The following CDHR3 variants were observed in gnomAD, a reference collection of about 807,000 sequenced individuals.
CDHR3 encodes the protein cadherin-related family member 3.
CDHR3 carries 79 observed loss-of-function variants against 86.6 expected under a neutral mutation model. The ratio of observed to expected loss-of-function variants is 0.91; its 90% CI spans 0.76 to 1.10. The LOEUF is 1.10. Among genes scored for constraint, CDHR3 ranks in the 50% least tolerant of loss-of-function variants. CDHR3 has a pLI of 0.00. For synonymous variants in CDHR3, 421 were observed against 402.4 expected (o/e 1.05, Z -0.55); for missense variants, 1,081 against 1,077.6 (o/e 1.00, Z -0.04).
chr7:106,034,530 G>A lies in CDHR3; in HGVS notation c.*1833G>A, dbSNP rs1322375690. ...CAAAATGCCTGTCCTGGCCTAGATT[G>A]AGCGTGATTTATTAATAAGGGTTGG... On this transcript the variant is annotated 3_prime_UTR_variant, in exon 19 of 19. Transcript: ENST00000317716. Among the ~76,000 whole-genome samples the A allele has an allele frequency of 1.3e-5, 2 of 152,234 alleles. No individual in the cohort carries two copies. Among genetic ancestry groups the A allele is most frequent in the African/African-American group, 4.8e-5 (2 of 41,466 alleles).
rs1184549587 is a variant in CDHR3 at position 106,030,545 on chromosome 7, A to G, written c.2305-247A>G. 6.6e-6 allele frequency among the ~76,000 whole-genome samples: 1 copy of G among 152,110 alleles called. No individual in the cohort carries two copies. The highest frequency in any genetic ancestry group is 1.5e-5 in the Non-Finnish European group (1 of 68,016). On this transcript the variant is annotated intron_variant, in intron 17 of 18. Coordinates refer to ENST00000317716, the MANE Select transcript of CDHR3 (RefSeq NM_152750.5). This position sits in a 1 kb window ranked among gnomAD's most constrained non-coding sequence, Gnocchi z 4.8. ...CCCTACCTGTGCCCCATAACACCCT[A>G]TATCTCCCCATCATAGCCTTATTAC... is the stretch of plus-strand genomic sequence containing the variant.
intron 8 of CDHR3, chr7:106,004,924 G>T (rs1473637690): frequency 3.7e-6 from 2 of 542,190 alleles, no homozygotes; most frequent in Non-Finnish European, 6.4e-6. Context: ...TTACTCTTAA[G>T]AATTATTTTT....
chr7:105,984,163 T>C, intron 3 of CDHR3, 29 bp from the exon 4 acceptor site: 1 of 1,409,178 alleles, frequency 7.1e-7, no homozygotes, highest in Non-Finnish European at 9.7e-7. Flanking sequence ...AATAAGATGT[T>C]TCTTATTCCA....
In CDHR3 at chr7:106,017,938, C is replaced by T. The variant is rs756269580; in HGVS notation, c.1519C>T (p.Gln507Ter). Residue 507 changes from glutamine (Q) to a stop codon, truncating the protein, a stop_gained, in exon 12 of 19, where the codon CAG becomes TAG. Coordinates refer to ENST00000317716, the MANE Select transcript of CDHR3 (RefSeq NM_152750.5). LOFTEE classifies it high-confidence loss of function. The stretch of plus-strand genomic sequence containing the variant: ...CATCTCCACTGGAGGGGCCAGCCTC[C>T]AGTATCCAAATGTATTTTGGATTAA... ...YSISTGGASL[Q>*]YPNVFWINPK... The T allele has an allele frequency of 2.7e-5, 44 of 1,612,948 alleles. No homozygotes were observed. Among genetic ancestry groups the T allele is most frequent in the Admixed American group, 1.2e-4 (7 of 59,914 alleles).
chr7:105,969,352 A>T (rs1178385958), intron 1 of CDHR3, among the ~76,000 whole-genome samples: 1 of 128,920 alleles, frequency 7.8e-6, no homozygotes, highest in East Asian at 2.4e-4. Flanking sequence ...GTGAGCCGAG[A>T]TTGCGCCACT....
At position 106,024,344 on chromosome 7, in the gene CDHR3, A is replaced by C. The variant is rs1012250227; in HGVS notation, c.2077-37A>C. On this transcript the variant is annotated intron_variant, in intron 14 of 18. Coordinates refer to ENST00000317716, the MANE Select transcript of CDHR3 (RefSeq NM_152750.5). Reference sequence around the variant, plus strand: ...AGTGCTGAATGTCAAAATCACTACCACCCTCTACTCACCCTCCCTGCTCTC... The same window carrying C: ...AGTGCTGAATGTCAAAATCACTACCCCCCTCTACTCACCCTCCCTGCTCTC... 13 of 1,590,414 alleles carry C rather than the reference A, an allele frequency of 8.2e-6. No homozygotes were observed. In the African/African-American group the frequency reaches 1.5e-4, roughly 18 times the overall value.
chr7:106,031,384 A>T (rs74722613), intron 18 of CDHR3, among the ~76,000 whole-genome samples: 2 of 152,228 alleles, frequency 1.3e-5, no homozygotes, highest in Non-Finnish European at 2.9e-5. Flanking sequence ...CCCCCGTGAA[A>T]TCAGCTCCAA....
At chr7:105,978,444 T>C (rs999976801) in intron 2 of CDHR3, among the ~76,000 whole-genome samples, 2 of 152,160 alleles carry the variant, frequency 1.3e-5, no homozygotes, top group Non-Finnish European at 2.9e-5. Context: ...CTCGGCCTTA[T>C]CCAGAACAAC....
At chr7:106,015,280 C>A in intron 10 of CDHR3, 67 bp downstream of exon 10, 3 of 1,360,796 alleles carry the variant, frequency 2.2e-6, no homozygotes, top group Non-Finnish European at 3.1e-6. Flanking sequence ...CTCTGCTGGG[C>A]AATACTAGGT....
At chr7:106,021,104 C>T (rs1251241247) in intron 13 of CDHR3, among the ~76,000 whole-genome samples, 1 of 152,142 alleles carries the variant, frequency 6.6e-6, no homozygotes, top group Non-Finnish European at 1.5e-5. Flanking sequence ...CGTTTTGAAA[C>T]GTGTCCTCAG....
intron 1 of CDHR3, among the ~76,000 whole-genome samples, chr7:105,973,130 A>T (rs1828231829): frequency 6.6e-6 from 1 of 152,082 alleles, no homozygotes; most frequent in Admixed American, 6.5e-5. Flanking sequence ...GGTGGCTGAG[A>T]TTGGGAAGCT....
intron 8 of CDHR3, among the ~76,000 whole-genome samples, chr7:106,011,290 C>A (rs58867403): frequency 6.6e-6 from 1 of 152,162 alleles, no homozygotes; most frequent in Admixed American, 6.5e-5. Context: ...AGCTTGACCA[C>A]GTGAATTGCT....
Position 106,013,006 on chromosome 7 carries a change from A to C in CDHR3, c.1199A>C (p.Asp400Ala). ...GGGAGCGGCAGCAGATTTTTACAGG[A>C]TCCAGCTGGCTCTGGGAAGATTGTG... ...GVGSGSRFLQ[D>A]PAGSGKIVLI... is the part of the protein sequence containing the mutation. Residue 400 changes from aspartate to alanine, a missense_variant, in exon 9 of 19, where the codon GAT becomes GCT. Coordinates refer to ENST00000317716, the MANE Select transcript of CDHR3 (RefSeq NM_152750.5). The C allele has an allele frequency of 6.2e-7, 1 of 1,609,302 alleles. No individual in the cohort carries two copies.
At chr7:105,963,399 C>A in intron 1 of CDHR3, 35 bp downstream of exon 1, 1 of 1,605,394 alleles carries the variant, frequency 6.2e-7, no homozygotes, top group Non-Finnish European at 8.5e-7. Flanking sequence ...ACCTTGCTTG[C>A]CTACTTGGTC....
At chr7:105,976,442 A>G (rs1052928763) in intron 2 of CDHR3, among the ~76,000 whole-genome samples, 10 of 152,234 alleles carry the variant, frequency 6.6e-5, no homozygotes, top group African/African-American at 2.4e-4. Flanking sequence ...CATTTTAAAA[A>G]ACAGCTTTAT....
At chr7:106,026,492 T>C (rs559640162) in intron 15 of CDHR3, among the ~76,000 whole-genome samples, 190 bp from the exon 16 acceptor site, 2 of 152,294 alleles carry the variant, frequency 1.3e-5, no homozygotes, top group South Asian at 4.2e-4. Flanking sequence ...AAGCCAATAG[T>C]GATGAAGCTG....
chr7:106,017,553 C>T (rs995034065), intron 11 of CDHR3, among the ~76,000 whole-genome samples: 11 of 126,388 alleles, frequency 8.7e-5, no homozygotes, highest in South Asian at 2.8e-4. Context: ...AGTGAGACTC[C>T]GTCACACACA....
intron 7 of CDHR3, 23 bp downstream of exon 7, chr7:106,001,633 T>C (rs1833191442): frequency 6.2e-6 from 10 of 1,612,764 alleles, no homozygotes; most frequent in Non-Finnish European, 8.5e-6. Flanking sequence ...CTTCCATCCT[T>C]AAGTGCATCC....
Position 106,012,865 on chromosome 7 carries a change from TGGTGCC to T in CDHR3, c.1061_1066del (p.Val354_Pro355del). On this transcript the variant is annotated inframe_deletion, in exon 9 of 19. Transcript: ENST00000317716. ...GGATTGTGTCTTTTCACCAGCATTA[TGGTGCC>T]GGAAAGAACAGCCAAGGGGACGTTG... 6.2e-7 allele frequency: 1 copy of T among 1,601,594 alleles called. No homozygotes were observed. The highest frequency in any genetic ancestry group is 8.5e-7 in the Non-Finnish European group (1 of 1,174,918).
Sources: gnomAD v4.1 joint callset for allele counts (sites outside exome capture counted in the v4.1 genomes callset) on GRCh38, gnomAD v4.1.1 for gene constraint, Gnocchi (gnomAD v3.1) non-coding constraint, MANE v1.5 for transcripts, NCBI Gene and HGNC (gene_info 2026-07-23, HGNC 2026-07-21) for gene names.